Variants in VAV1 observed in about 807,000 individuals in gnomAD.
The protein encoded by VAV1 is proto-oncogene vav.
Under a neutral mutation model 128.1 loss-of-function variants are expected in VAV1, and 33 were observed. The observed-to-expected ratio is 0.26, with a 90% CI of 0.20 to 0.34. The LOEUF (loss-of-function observed/expected upper bound fraction) is 0.34. Ranked by LOEUF, VAV1 falls within the 10% of genes least tolerant of loss-of-function variation. VAV1 has a pLI of 1.00. For synonymous variants in VAV1, 394 were observed against 409.8 expected (o/e 0.96, Z 0.47); for missense variants, 715 against 1,093.7 (o/e 0.65, Z 4.88).
chr19:6,852,826 A>T lies in VAV1; in HGVS notation c.2218-139A>T, dbSNP rs114488391. 821 of 581,030 alleles carry T rather than the reference A, an allele frequency of 1.4e-3. 8 individuals are homozygous for T. The African/African-American group carries it at 0.015, about 10-fold the overall frequency. The allele number at this position is 581,030 out of a possible 1,614,324, so 36.0% of individuals were successfully genotyped here. On this transcript the variant is annotated intron_variant, in intron 24 of 26. Coordinates refer to ENST00000602142, the MANE Select transcript of VAV1 (RefSeq NM_005428.4). ...AGGTGATGAACTCCCCATCATGGGG[A>T]GTATTCAAGGGGTCACTTTCCAAAG...
intron 1 of VAV1, among the ~76,000 whole-genome samples, chr19:6,798,180 G>A (rs1050322008): frequency 3.9e-5 from 6 of 152,092 alleles, no homozygotes; most frequent in Admixed American, 3.9e-4. Context: ...AGGAGGTGGA[G>A]GCAGGAGAAT....
chr19:6,817,709 T>C (rs1462012839), intron 1 of VAV1, among the ~76,000 whole-genome samples: 1 of 151,936 alleles, frequency 6.6e-6, no homozygotes, highest in Non-Finnish European at 1.5e-5. Flanking sequence ...TTTTCTGAGA[T>C]GGGGTCTCGC....
chr19:6,828,571 G>A lies in VAV1; in HGVS notation c.1093-51G>A, dbSNP rs1366797984. The stretch of plus-strand genomic sequence containing the variant: ...TGATCCTCTAGCCGGGATTAGGTAG[G>A]AGCCTGGGTCGGCTGTTGGGGGGCC... On this transcript the variant is annotated intron_variant, in intron 11 of 26. Coordinates refer to ENST00000602142, the MANE Select transcript of VAV1 (RefSeq NM_005428.4). This position sits in a 1 kb window ranked among gnomAD's most constrained non-coding sequence, Gnocchi z 4.5. 1 of 1,613,528 alleles carries A rather than the reference G, an allele frequency of 6.2e-7. No homozygotes were observed. The highest frequency in any genetic ancestry group is 1.7e-5 in the Admixed American group (1 of 59,992).
chr19:6,802,905 G>A (rs146688193), intron 1 of VAV1, among the ~76,000 whole-genome samples: 1 of 152,250 alleles, frequency 6.6e-6, no homozygotes, highest in African/African-American at 2.4e-5. Context: ...TGTCAGACAT[G>A]GTACTAGGTA....
intron 24 of VAV1, among the ~76,000 whole-genome samples, chr19:6,852,722 AAG>A (rs1309270127): frequency 3.7e-4 from 54 of 146,662 alleles, no homozygotes; most frequent in African/African-American, 1.3e-3. Flanking sequence ...CTCCGTCTCA[AAG>A]AAAAAAAAAA....
intron 19 of VAV1, among the ~76,000 whole-genome samples, chr19:6,834,816 A>G (rs10405798): frequency 0.022 from 3,307 of 151,210 alleles, 137 homozygotes; most frequent in African/African-American, 0.076. Flanking sequence ...ACATATAAAT[A>G]TATAACATAA....
intron 1 of VAV1, among the ~76,000 whole-genome samples, chr19:6,809,077 C>CTTT (rs34550612): frequency 3.4e-5 from 5 of 145,770 alleles, no homozygotes; most frequent in African/African-American, 1.0e-4. Context: ...ATCTACCTCT[C>CTTT]TTTTTTTTTT....
chr19:6,789,887 T>C (rs1970979002), intron 1 of VAV1, among the ~76,000 whole-genome samples: 1 of 152,198 alleles, frequency 6.6e-6, no homozygotes, highest in South Asian at 2.1e-4. Flanking sequence ...CATGAGCCAC[T>C]GCACCTGGCC....
At chr19:6,788,463 C>G (rs1040601121) in intron 1 of VAV1, among the ~76,000 whole-genome samples, 2 of 150,480 alleles carry the variant, frequency 1.3e-5, no homozygotes, top group African/African-American at 4.9e-5. Flanking sequence ...ACCTCCACCT[C>G]CTGGGTTCAA....
chr19:6,852,645 C>T (rs1302326346), intron 24 of VAV1, among the ~76,000 whole-genome samples: 2 of 151,674 alleles, frequency 1.3e-5, no homozygotes, highest in East Asian at 1.9e-4. Context: ...GGCATGAACC[C>T]TGGAGGCGGA....
Position 6,828,789 on chromosome 19 carries a change from T to A in VAV1, c.1180-26T>A. On this transcript the variant is annotated intron_variant, in intron 12 of 26. Transcript: ENST00000602142. The surrounding 1 kb of genome is among the most constrained non-coding windows in gnomAD (Gnocchi z 4.5). ...TCTGGCTCCTTTCTTGGGAGACCCT[T>A]GCTAGACCCCCTGCCTACTGCATAG... 1 of 1,614,024 alleles carries A rather than the reference T, an allele frequency of 6.2e-7. No homozygotes were observed. The highest frequency in any genetic ancestry group is 1.3e-5 in the African/African-American group (1 of 74,990).
intron 1 of VAV1, 29 bp downstream of exon 1, chr19:6,773,040 G>A: frequency 1.2e-6 from 2 of 1,613,818 alleles, no homozygotes; most frequent in South Asian, 1.1e-5. Flanking sequence ...GGTGTGCTGA[G>A]GGTTGGAGAC....
At chr19:6,795,984 G>C (rs189713374) in intron 1 of VAV1, among the ~76,000 whole-genome samples, 97 of 152,106 alleles carry the variant, frequency 6.4e-4, no homozygotes, top group Non-Finnish European at 1.3e-3. Context: ...CACCCGGCTA[G>C]TCCACTCTGA....
At chr19:6,841,626 C>T (rs1209543483) in intron 21 of VAV1, among the ~76,000 whole-genome samples, 1 of 151,918 alleles carries the variant, frequency 6.6e-6, no homozygotes, top group Non-Finnish European at 1.5e-5. Flanking sequence ...AGGCATGCGT[C>T]ACCACGCCCG....
intron 6 of VAV1, among the ~76,000 whole-genome samples, chr19:6,824,094 C>A (rs1168760561): frequency 6.6e-6 from 1 of 151,892 alleles, no homozygotes; most frequent in Non-Finnish European, 1.5e-5. Flanking sequence ...CATGCCACCA[C>A]ACCCTGCTTA....
In VAV1 at chr19:6,828,584, C is replaced by T. The variant is rs1280143120; in HGVS notation, c.1093-38C>T. 5 of 1,613,086 alleles carry T rather than the reference C, an allele frequency of 3.1e-6. No individual in the cohort carries two copies. Among genetic ancestry groups the T allele is most frequent in the Non-Finnish European group, 3.4e-6 (4 of 1,179,472 alleles). On this transcript the variant is annotated intron_variant, in intron 11 of 26. Transcript: ENST00000602142. This position sits in a 1 kb window ranked among gnomAD's most constrained non-coding sequence, Gnocchi z 4.5. ...GGGATTAGGTAGGAGCCTGGGTCGGCTGTTGGGGGGCCAGGTTCACCCCTG... is the reference window on the plus strand; with the variant it reads ...GGGATTAGGTAGGAGCCTGGGTCGGTTGTTGGGGGGCCAGGTTCACCCCTG...
intron 21 of VAV1, among the ~76,000 whole-genome samples, chr19:6,838,424 C>A (rs1972283624): frequency 6.6e-6 from 1 of 150,758 alleles, no homozygotes; most frequent in African/African-American, 2.5e-5. Flanking sequence ...TCCATCCATC[C>A]ATCCATCCAT....
intron 1 of VAV1, among the ~76,000 whole-genome samples, chr19:6,779,708 A>T (rs1970721899): frequency 6.7e-6 from 1 of 149,214 alleles, no homozygotes; most frequent in South Asian, 2.2e-4. Context: ...AAAAATGAAA[A>T]ATAAAACTAA....
At chr19:6,785,847 A>G (rs1238930585) in intron 1 of VAV1, among the ~76,000 whole-genome samples, 1 of 151,318 alleles carries the variant, frequency 6.6e-6, no homozygotes, top group East Asian at 1.9e-4. Flanking sequence ...TTTAGTAGAG[A>G]TGGGGTTTCA....
Sources: allele counts gnomAD v4.1 joint callset (sites outside exome capture counted in the v4.1 genomes callset), GRCh38; gene constraint gnomAD v4.1.1; non-coding constraint Gnocchi (gnomAD v3.1); transcripts MANE v1.5; gene names NCBI Gene and HGNC (gene_info 2026-07-23, HGNC 2026-07-21).